SULT1B1: variants seen among roughly 807,000 people sequenced by gnomAD.
The protein encoded by SULT1B1 is sulfotransferase 1B1.
Under a neutral mutation model 34.6 loss-of-function variants are expected in SULT1B1, and 28 were observed. The observed-to-expected ratio is 0.81, with a 90% CI of 0.60 to 1.11. SULT1B1 has a LOEUF of 1.11. Ranked by LOEUF, SULT1B1 falls within the 50% of genes least tolerant of loss-of-function variation. The probability of loss-of-function intolerance (pLI) is 0.00; values close to 1 mark genes in which losing one functional copy is unlikely to be tolerated. For missense variants in SULT1B1, 374 were observed against 352.2 expected (o/e 1.06, Z -0.50); for synonymous variants, 147 against 110.2 (o/e 1.33, Z -2.09).
At chr4:69,742,637 C>T (rs1381688503) in intron 4 of SULT1B1, among the ~76,000 whole-genome samples, 1 of 152,180 alleles carries the variant, frequency 6.6e-6, no homozygotes, top group African/African-American at 2.4e-5. Flanking sequence ...CAGCCGGAAA[C>T]CTCTGTGGCC....
Position 69,727,106 on chromosome 4 carries a change from T to C in SULT1B1, c.873A>G (p.Gln291=), listed in dbSNP as rs1332152458. The C allele has an allele frequency of 6.2e-6, 10 of 1,607,742 alleles. No homozygotes were observed. In the African/African-American group the frequency reaches 8.0e-5, roughly 13 times the overall value. ...YETEMSKTAL[Q]FRTEI is the part of the protein sequence containing the mutation. ...AGACACTTTAAATCTCTGTGCGGAA[T>C]TGAAGTGCAGTTTTGGACATTTCTG... Residue 291 remains glutamine, a synonymous_variant, in exon 8 of 8, where the codon CAA becomes CAG. Coordinates refer to ENST00000310613, the MANE Select transcript of SULT1B1 (RefSeq NM_014465.4).
chr4:69,749,402 A>G (rs1046019072), intron 4 of SULT1B1, among the ~76,000 whole-genome samples: 1 of 152,164 alleles, frequency 6.6e-6, no homozygotes, highest in Non-Finnish European at 1.5e-5. Flanking sequence ...GAATTATACC[A>G]AATCTTCAAA....
At chr4:69,727,859 T>C (rs982802230) in intron 7 of SULT1B1, among the ~76,000 whole-genome samples, 1 of 152,028 alleles carries the variant, frequency 6.6e-6, no homozygotes, top group African/African-American at 2.4e-5. Flanking sequence ...TACTTGGGTA[T>C]TTATAAATAT....
chr4:69,727,523 C>G (rs969286674), intron 7 of SULT1B1, among the ~76,000 whole-genome samples: 2 of 151,842 alleles, frequency 1.3e-5, no homozygotes, highest in African/African-American at 4.8e-5. Context: ...TTCTAATGGT[C>G]GTAGGTCATG....
chr4:69,760,101 G>C, intron 1 of SULT1B1: 1 of 219,170 alleles, frequency 4.6e-6, no homozygotes, highest in Non-Finnish European at 7.7e-6. Flanking sequence ...TTAAAGGTGT[G>C]TGTATGTGCA....
chr4:69,757,876 A>G (rs34364858), intron 1 of SULT1B1, among the ~76,000 whole-genome samples: 3,740 of 152,294 alleles, frequency 0.025, 71 homozygotes, highest in Non-Finnish European at 0.036. Flanking sequence ...CAAAAACCTG[A>G]AATAGAGGAT....
In SULT1B1 at chr4:69,730,616, C is replaced by T. The variant is rs752845757; in HGVS notation, c.663G>A (p.Leu221=). Residue 221 remains leucine (L), a synonymous_variant, in exon 7 of 8, where the codon TTG becomes TTA. Transcript: ENST00000310613. ...FLEKNLNDEI[L]DRIIHHTSFE... is the part of the protein sequence containing the mutation. ...ATGAGGTGTGATGGATGATCCTATCCAAGATCTCATCATTCAGGTTCTTCT... is the reference window on the plus strand; with the variant it reads ...ATGAGGTGTGATGGATGATCCTATCTAAGATCTCATCATTCAGGTTCTTCT... 2.0e-5 allele frequency: 32 copies of T among 1,613,132 alleles called. No individual in the cohort carries two copies. Among genetic ancestry groups the T allele is most frequent in the Non-Finnish European group, 2.7e-5 (32 of 1,179,682 alleles).
intron 4 of SULT1B1, among the ~76,000 whole-genome samples, chr4:69,740,788 C>T (rs1718515903): frequency 6.6e-6 from 1 of 152,122 alleles, no homozygotes; most frequent in African/African-American, 2.4e-5. Context: ...TTGTTTTCTG[C>T]TCATTGATTT....
intron 1 of SULT1B1, 73 bp from the exon 2 acceptor site, chr4:69,755,334 C>A: frequency 4.1e-6 from 5 of 1,222,298 alleles, no homozygotes; most frequent in Non-Finnish European, 5.7e-6. Flanking sequence ...CAATTTGTCA[C>A]AAAGTAAAAT....
At chr4:69,749,055 A>G (rs1449591393) in intron 4 of SULT1B1, among the ~76,000 whole-genome samples, 1 of 152,090 alleles carries the variant, frequency 6.6e-6, no homozygotes, top group Non-Finnish European at 1.5e-5. Flanking sequence ...AACAGAAATA[A>G]TTGATAAAAC....
At chr4:69,757,694 G>A (rs540689289) in intron 1 of SULT1B1, among the ~76,000 whole-genome samples, 1 of 151,994 alleles carries the variant, frequency 6.6e-6, no homozygotes, top group East Asian at 1.9e-4. Context: ...ATCATTCATG[G>A]GTTTTACAGA....
At chr4:69,756,982 C>CACAA (rs1719217347) in intron 1 of SULT1B1, among the ~76,000 whole-genome samples, 1 of 126,942 alleles carries the variant, frequency 7.9e-6, no homozygotes. Context: ...CACACACAGA[C>CACAA]ACACACACAC....
At chr4:69,756,256 G>A (rs1036108017) in intron 1 of SULT1B1, among the ~76,000 whole-genome samples, 4 of 151,698 alleles carry the variant, frequency 2.6e-5, no homozygotes, top group Admixed American at 2.6e-4. Flanking sequence ...TCTCATTATG[G>A]TAGGCTTTTT....
rs1717828736 is a variant in SULT1B1, at chr4:69,726,076, AT to A, written c.*1011del. The A allele has an allele frequency of 1.7e-5, 2 of 117,512 alleles. No homozygotes were observed. The allele number at this position is 117,512 out of a possible 1,614,324, so 7.3% of individuals were successfully genotyped here. A position where few individuals can be genotyped will look rare whatever the true frequency, so the allele number is the denominator to read the frequency against. Reference sequence around the variant, plus strand: ...TATATATATATATATATATATATATATATATAAATGTTCCAAGAAAACATAG... The same window carrying A: ...TATATATATATATATATATATATATAATATAAATGTTCCAAGAAAACATAG... On this transcript the variant is annotated 3_prime_UTR_variant, in exon 8 of 8. Transcript: ENST00000310613.
chr4:69,744,922 T>A (rs149047338), intron 4 of SULT1B1, among the ~76,000 whole-genome samples: 1 of 152,238 alleles, frequency 6.6e-6, no homozygotes, highest in African/African-American at 2.4e-5. Context: ...ATATGTTGTG[T>A]CTTTGTATCT....
chr4:69,734,372 A>C, intron 4 of SULT1B1, 108 bp from the exon 5 acceptor site: 1 of 1,282,990 alleles, frequency 7.8e-7, no homozygotes. Flanking sequence ...TTTCAAATAG[A>C]AATTGTGGGC....
intron 4 of SULT1B1, among the ~76,000 whole-genome samples, chr4:69,744,976 T>A (rs1289822289): frequency 6.6e-6 from 1 of 152,258 alleles, no homozygotes; most frequent in African/African-American, 2.4e-5. Context: ...TTTTCTGCCT[T>A]AATTTCATTA....
intron 5 of SULT1B1, 110 bp from the exon 6 acceptor site, chr4:69,733,617 T>A (rs113361664): frequency 1.3e-6 from 1 of 758,592 alleles, no homozygotes; most frequent in Non-Finnish European, 2.0e-6. Context: ...CCAAAGGAAG[T>A]AAGAATATGA....
chr4:69,751,011 A>G (rs1346375086), intron 3 of SULT1B1, among the ~76,000 whole-genome samples: 1 of 152,242 alleles, frequency 6.6e-6, no homozygotes, highest in African/African-American at 2.4e-5. Context: ...CCCTTACAAC[A>G]TTTGGAAAGT....
Sources: gnomAD v4.1 joint callset for allele counts (sites outside exome capture counted in the v4.1 genomes callset) on GRCh38, gnomAD v4.1.1 for gene constraint, MANE v1.5 for transcripts, NCBI Gene and HGNC (gene_info 2026-07-23, HGNC 2026-07-21) for gene names.